The following TIMMDC1 variants were observed in gnomAD, a reference collection of about 807,000 sequenced individuals.
TIMMDC1 encodes translocase of inner mitochondrial membrane domain containing 1.
In TIMMDC1, 25 loss-of-function variants were observed where a neutral mutation model predicts 32.6. The observed-to-expected ratio is 0.77, with a 90% CI of 0.56 to 1.07. The LOEUF (loss-of-function observed/expected upper bound fraction) is 1.07. TIMMDC1 is among the 50% of genes least tolerant of loss of function. TIMMDC1 has a pLI of 0.00. For missense variants in TIMMDC1, 329 were observed against 349.2 expected (o/e 0.94, Z 0.46); for synonymous variants, 130 against 127.6 (o/e 1.02, Z -0.13).
intron 4 of TIMMDC1, among the ~76,000 whole-genome samples, chr3:119,509,294 A>G (rs913458780): frequency 6.6e-6 from 1 of 152,192 alleles, no homozygotes; most frequent in Admixed American, 6.5e-5. Flanking sequence ...ATGTCCACGC[A>G]AAGACTTATA....
In TIMMDC1 at chr3:119,503,592, A is replaced by G. The variant is rs750581679; in HGVS notation, c.421A>G (p.Arg141Gly). The change falls in exon 3 of 7, where the codon AGA (arginine) becomes GGA (glycine). Residue 141 changes from arginine to glycine, a missense_variant. Coordinates refer to ENST00000494664, the MANE Select transcript of TIMMDC1 (RefSeq NM_016589.4). ...TCGTTATGGCTGGCGCTGGGGTTGG[A>G]GAACTGCAGTGTTTGTGACTATATT... ...FIRYGWRWGW[R>G]TAVFVTIFNT... The G allele has an allele frequency of 1.1e-5, 17 of 1,611,742 alleles. No homozygotes were observed. The highest frequency in any genetic ancestry group is 1.4e-5 in the Non-Finnish European group (16 of 1,179,246).
chr3:119,504,108 C>G, intron 4 of TIMMDC1, 87 bp downstream of exon 4: 4 of 986,194 alleles, frequency 4.1e-6, no homozygotes, highest in Non-Finnish European at 4.7e-6. Context: ...CTACTGAATT[C>G]TTTGGTTGGC....
At chr3:119,500,608 C>A in intron 1 of TIMMDC1, 87 bp from the exon 2 acceptor site, 1 of 1,156,874 alleles carries the variant, frequency 8.6e-7, no homozygotes, top group Non-Finnish European at 1.2e-6. Flanking sequence ...GTGGTGGTAG[C>A]ATTTGGGTTA....
At chr3:119,514,469 C>G (rs2081973119) in intron 5 of TIMMDC1, among the ~76,000 whole-genome samples, 1 of 152,160 alleles carries the variant, frequency 6.6e-6, no homozygotes, top group Non-Finnish European at 1.5e-5. Context: ...AACATTGTTT[C>G]AACACAACTA....
chr3:119,506,658 C>T (rs1457376435), intron 4 of TIMMDC1, among the ~76,000 whole-genome samples: 4 of 151,746 alleles, frequency 2.6e-5, no homozygotes, highest in African/African-American at 4.8e-5. Flanking sequence ...ACTATCTTAT[C>T]GTCCCTGTTT....
chr3:119,523,241 C>T (rs1053020900), intron 6 of TIMMDC1, among the ~76,000 whole-genome samples: 1 of 152,200 alleles, frequency 6.6e-6, no homozygotes, highest in African/African-American at 2.4e-5. Flanking sequence ...AGGGTACTTA[C>T]ATTCCCCCAG....
At chr3:119,522,514 A>G (rs979175156) in intron 6 of TIMMDC1, among the ~76,000 whole-genome samples, 1 of 152,164 alleles carries the variant, frequency 6.6e-6, no homozygotes, top group African/African-American at 2.4e-5. Context: ...TAGGATGACT[A>G]TAGTTAATAA....
At chr3:119,522,799 GGTGTTTGTGTGTGTGTGT>G (rs2082035982) in intron 6 of TIMMDC1, among the ~76,000 whole-genome samples, 1 of 127,458 alleles carries the variant, frequency 7.8e-6, no homozygotes. Context: ...TACACGTATG[GGTGTTTGTGTGTGTGTGT>G]GTGTGTGTGT....
At chr3:119,501,021 G>A (rs1355094493) in intron 2 of TIMMDC1, among the ~76,000 whole-genome samples, 161 bp downstream of exon 2, 1 of 152,212 alleles carries the variant, frequency 6.6e-6, no homozygotes, top group African/African-American at 2.4e-5. Context: ...TAATGTTAAA[G>A]TGCCTGCATG....
At chr3:119,517,820 T>G (rs2081996201) in intron 6 of TIMMDC1, among the ~76,000 whole-genome samples, 1 of 151,962 alleles carries the variant, frequency 6.6e-6, no homozygotes, top group South Asian at 2.1e-4. Context: ...GTACAAAAAT[T>G]AGCTGGGCAT....
Position 119,524,915 on chromosome 3 carries a change from C to G in TIMMDC1, c.*1159C>G, listed in dbSNP as rs1212140415. 1 of 152,160 alleles carries G rather than the reference C, an allele frequency of 6.6e-6. No individual in the cohort carries two copies. The highest frequency in any genetic ancestry group is 1.5e-5 in the Non-Finnish European group (1 of 68,040). 9.4% of individuals were successfully genotyped at this position (152,160 alleles called of 1,614,324 possible). ...AAGATAGCTTACTGCTTAGTACATA[C>G]ACTGTAAACAACGATCTCATTTTAA... On this transcript the variant is annotated 3_prime_UTR_variant, in exon 7 of 7. Coordinates refer to ENST00000494664, the MANE Select transcript of TIMMDC1 (RefSeq NM_016589.4).
At chr3:119,499,967 G>T (rs2081857532) in intron 1 of TIMMDC1, among the ~76,000 whole-genome samples, 1 of 152,146 alleles carries the variant, frequency 6.6e-6, no homozygotes, top group South Asian at 2.1e-4. Flanking sequence ...TTTAGAGCCA[G>T]GATCTTTGCT....
At chr3:119,513,839 T>C in intron 5 of TIMMDC1, 120 bp downstream of exon 5, 3 of 615,446 alleles carry the variant, frequency 4.9e-6, no homozygotes, top group Non-Finnish European at 8.3e-6. Flanking sequence ...AAAAGATCTC[T>C]AGTCTTGCAT....
chr3:119,520,601 C>T (rs969202388), intron 6 of TIMMDC1, among the ~76,000 whole-genome samples: 2 of 152,092 alleles, frequency 1.3e-5, no homozygotes, highest in Non-Finnish European at 1.5e-5. Flanking sequence ...TAAAAAGTCT[C>T]CCAACAAAGA....
intron 5 of TIMMDC1, among the ~76,000 whole-genome samples, chr3:119,514,259 T>A (rs1333859951): frequency 1.3e-5 from 2 of 152,196 alleles, no homozygotes; most frequent in African/African-American, 4.8e-5. Context: ...TTCACCTAGA[T>A]TCACCAGTTG....
intron 6 of TIMMDC1, among the ~76,000 whole-genome samples, chr3:119,521,027 T>G (rs889670039): frequency 3.3e-5 from 5 of 152,098 alleles, no homozygotes; most frequent in Admixed American, 2.6e-4. Context: ...TTTGGTAAAA[T>G]TGAACACCCC....
intron 6 of TIMMDC1, among the ~76,000 whole-genome samples, chr3:119,522,797 T>TGG (rs1369970755): frequency 9.6e-4 from 131 of 135,752 alleles, no homozygotes; most frequent in Admixed American, 2.0e-3. Flanking sequence ...TATACACGTA[T>TGG]GGGTGTTTGT....
chr3:119,521,124 TATC>T (rs1178713332), intron 6 of TIMMDC1, among the ~76,000 whole-genome samples: 5 of 152,298 alleles, frequency 3.3e-5, no homozygotes, highest in South Asian at 2.1e-4. Context: ...TCACAGCTAA[TATC>T]ATACTGAACA....
chr3:119,513,903 T>A (rs546836788), intron 5 of TIMMDC1, among the ~76,000 whole-genome samples, 184 bp downstream of exon 5: 185 of 152,376 alleles, frequency 1.2e-3, no homozygotes, highest in African/African-American at 4.2e-3. Context: ...TTATCTTATT[T>A]ACAGTTTTTA....
Sources: gnomAD v4.1 joint callset for allele counts (sites outside exome capture counted in the v4.1 genomes callset) on GRCh38, gnomAD v4.1.1 for gene constraint, MANE v1.5 for transcripts, NCBI Gene and HGNC (gene_info 2026-07-23, HGNC 2026-07-21) for gene names.